Variants in POU6F2 observed in about 807,000 individuals in gnomAD.
The protein encoded by POU6F2 is POU domain, class 6, transcription factor 2.
Under a neutral mutation model 71.3 loss-of-function variants are expected in POU6F2, and 31 were observed. The observed-to-expected ratio is 0.43, with a 90% confidence interval of 0.33 to 0.59. POU6F2 has a LOEUF of 0.59. Ranked by LOEUF, POU6F2 falls within the 20% of genes least tolerant of loss-of-function variation. POU6F2 has a pLI of 0.04. For synonymous variants in POU6F2, 347 were observed against 355.7 expected, an observed-to-expected ratio of 0.98 and a Z score of 0.27; for missense variants, 783 against 856.8, an observed-to-expected ratio of 0.91 and a Z score of 1.07.
At chr7:39,330,941 C>G (rs1327824646) in intron 4 of POU6F2, among the ~76,000 whole-genome samples, 1 of 152,174 alleles carries the variant, frequency 6.6e-6, no homozygotes, top group Admixed American at 6.5e-5. Context: ...CTCCCCTGAC[C>G]CTTCCCCACT....
At chr7:39,040,833 C>T (rs1790177717) in intron 1 of POU6F2, among the ~76,000 whole-genome samples, 1 of 151,882 alleles carries the variant, frequency 6.6e-6, no homozygotes, top group Admixed American at 6.6e-5. Context: ...TGATTCTGTT[C>T]TAATTTCTGT....
chr7:39,257,088 G>T (rs962979807), intron 4 of POU6F2, among the ~76,000 whole-genome samples: 3 of 152,140 alleles, frequency 2.0e-5, no homozygotes, highest in Non-Finnish European at 4.4e-5. Context: ...TCAATGGAAG[G>T]TTTGTTGCAT....
At chr7:39,323,126 A>AG (rs1782208354) in intron 4 of POU6F2, among the ~76,000 whole-genome samples, 1 of 151,872 alleles carries the variant, frequency 6.6e-6, no homozygotes. Context: ...AAAAAAAAAA[A>AG]GTCCTGCATA....
At chr7:39,335,849 A>T (rs1479685560) in intron 4 of POU6F2, among the ~76,000 whole-genome samples, 1 of 152,210 alleles carries the variant, frequency 6.6e-6, no homozygotes, top group Non-Finnish European at 1.5e-5. Context: ...GTGCACCTGA[A>T]AATGAGTCCA....
At chr7:39,083,908 AC>A (rs1295401152) in intron 1 of POU6F2, 4 of 152,130 alleles carry the variant, frequency 2.6e-5, no homozygotes, top group Admixed American at 2.0e-4. Context: ...TTAGTAATTA[AC>A]AGTGTAAAGG....
intron 4 of POU6F2, among the ~76,000 whole-genome samples, chr7:39,233,907 T>A (rs1008907366): frequency 6.6e-6 from 1 of 152,208 alleles, no homozygotes; most frequent in Non-Finnish European, 1.5e-5. Context: ...CATGGGGATA[T>A]TTCCTCTGAG....
intron 2 of POU6F2, among the ~76,000 whole-genome samples, chr7:39,114,916 GTGTT>G (rs974204626): frequency 5.9e-5 from 9 of 152,134 alleles, no homozygotes; most frequent in Non-Finnish European, 1.2e-4. Flanking sequence ...AGACATGTGT[GTGTT>G]TGCATTATAT....
At chr7:39,428,008 A>T (rs1788013832) in intron 6 of POU6F2, among the ~76,000 whole-genome samples, 1 of 152,198 alleles carries the variant, frequency 6.6e-6, no homozygotes, top group Non-Finnish European at 1.5e-5. Flanking sequence ...AGACTGAGGC[A>T]CTTGAGGGCA....
Position 39,214,146 on chromosome 7 carries a change from T to A in POU6F2, c.598+6526T>A, listed in dbSNP as rs1293334549. On this transcript the variant is annotated intron_variant, in intron 4 of 9. Coordinates refer to ENST00000518318, the MANE Select transcript of POU6F2 (RefSeq NM_001370959.1). ...TTTTTTCCAAGACAGACATCTTGAA[T>A]CTAATTTATTTTGCTTTCTTGTTCC... Among the ~76,000 whole-genome samples the A allele has an allele frequency of 2.6e-5, 4 of 152,208 alleles. No homozygotes were observed. In the East Asian group the frequency reaches 7.7e-4, roughly 29 times the overall value.
intron 1 of POU6F2, among the ~76,000 whole-genome samples, chr7:38,998,313 T>A (rs1279005055): frequency 6.6e-6 from 1 of 152,164 alleles, no homozygotes; most frequent in South Asian, 2.1e-4. Flanking sequence ...ATGTTCTCTA[T>A]CAGGTACATT....
chr7:39,378,859 A>G (rs185249542), intron 5 of POU6F2, among the ~76,000 whole-genome samples: 1 of 152,342 alleles, frequency 6.6e-6, no homozygotes, highest in East Asian at 1.9e-4. Flanking sequence ...TTCATATTAT[A>G]ACAGAATTAT....
chr7:39,431,587 G>T (rs1011346299), intron 6 of POU6F2, among the ~76,000 whole-genome samples: 2 of 152,130 alleles, frequency 1.3e-5, no homozygotes, highest in South Asian at 4.1e-4. Flanking sequence ...TCTAAGAGCT[G>T]GCACCCTCCA....
intron 5 of POU6F2, among the ~76,000 whole-genome samples, chr7:39,365,786 G>C (rs1252586113): frequency 6.6e-6 from 1 of 152,202 alleles, no homozygotes; most frequent in African/African-American, 2.4e-5. Context: ...AGGTGCTAGA[G>C]GTCTGAAGAG....
intron 4 of POU6F2, among the ~76,000 whole-genome samples, chr7:39,251,878 C>T (rs763168646): frequency 6.6e-6 from 1 of 152,128 alleles, no homozygotes; most frequent in African/African-American, 2.4e-5. Flanking sequence ...CCTTTGACCA[C>T]CCTTACAATC....
intron 2 of POU6F2, among the ~76,000 whole-genome samples, chr7:39,189,376 G>GTGTTTGTT (rs58113907): frequency 0.015 from 2,245 of 151,250 alleles, 27 homozygotes; most frequent in South Asian, 0.03. Context: ...TTTTGTTTGT[G>GTGTTTGTT]TGTTTGTTTG....
chr7:39,050,192 C>T (rs765171800), intron 1 of POU6F2, among the ~76,000 whole-genome samples: 38 of 151,914 alleles, frequency 2.5e-4, no homozygotes, highest in Non-Finnish European at 5.3e-4. Flanking sequence ...CCCCCAACCC[C>T]CTTGCCACAA....
chr7:39,106,168 T>C (rs944849234), intron 2 of POU6F2, among the ~76,000 whole-genome samples: 3 of 152,244 alleles, frequency 2.0e-5, no homozygotes, highest in African/African-American at 7.2e-5. Flanking sequence ...GTGATGATGA[T>C]AATGATTGCA....
At chr7:38,999,030 A>G (rs1410571447) in intron 1 of POU6F2, among the ~76,000 whole-genome samples, 1 of 152,034 alleles carries the variant, frequency 6.6e-6, no homozygotes, top group Admixed American at 6.6e-5. Context: ...GAGTAGACCA[A>G]CAATTATGCT....
chr7:39,363,030 C>T (rs942126288), intron 5 of POU6F2, among the ~76,000 whole-genome samples: 1 of 152,042 alleles, frequency 6.6e-6, no homozygotes, highest in Admixed American at 6.6e-5. Flanking sequence ...AGCTAGTACT[C>T]GGAATAAAAC....
Sources: gnomAD v4.1 joint callset for allele counts (sites outside exome capture counted in the v4.1 genomes callset) on GRCh38, gnomAD v4.1.1 for gene constraint, MANE v1.5 for transcripts, NCBI Gene and HGNC (gene_info 2026-07-23, HGNC 2026-07-21) for gene names.